The following ADCYAP1R1 variants were observed in gnomAD, a reference collection of about 807,000 sequenced individuals.
The protein encoded by ADCYAP1R1 is pituitary adenylate cyclase-activating polypeptide type I receptor.
A neutral mutation model predicts 67.6 loss-of-function variants in ADCYAP1R1; 44 were observed. That is an observed-to-expected ratio of 0.65 (90% CI 0.51 to 0.84). The LOEUF is 0.84. ADCYAP1R1 is among the 40% of genes least tolerant of loss of function. The pLI, the probability that ADCYAP1R1 is intolerant of heterozygous loss-of-function variation, is 0.00. For missense variants in ADCYAP1R1, 477 were observed against 587.9 expected (o/e 0.81, Z 1.95); for synonymous variants, 222 against 219.6 (o/e 1.01, Z -0.10).
intron 13 of ADCYAP1R1, among the ~76,000 whole-genome samples, chr7:31,096,264 C>T (rs1023977647): frequency 8.5e-5 from 13 of 152,162 alleles, no homozygotes; most frequent in East Asian, 5.8e-4. Context: ...CCCATTTGTA[C>T]TCCCATGGGG....
rs760025978 is a variant in ADCYAP1R1, at chr7:31,085,285, T to C, written c.537-25T>C. On this transcript the variant is annotated intron_variant, in intron 8 of 15. Transcript: ENST00000304166. ...GAAATGCTGTGGGGTCCAAGGCTTC[T>C]TTCTCCCCTGGCCCACTCATGTAGG... 5.6e-6 allele frequency: 9 copies of C among 1,607,526 alleles called. No individual in the cohort carries two copies. In the Admixed American group the frequency reaches 1.5e-4, roughly 27 times the overall value.
In ADCYAP1R1 at chr7:31,098,710, G is replaced by A. The variant is rs534838152; in HGVS notation, c.1047-4527G>A. Among the ~76,000 whole-genome samples the A allele has an allele frequency of 4.3e-4, 52 of 120,608 alleles. 1 individual carries two copies. The highest frequency in any genetic ancestry group is 4.2e-3 in the Middle Eastern group (1 of 240). The allele number at this position is 120,608 out of a possible 152,430, so 79.1% of individuals were successfully genotyped here. A position where few individuals can be genotyped will look rare whatever the true frequency, so the allele number is the denominator to read the frequency against. On this transcript the variant is annotated intron_variant, in intron 13 of 15. Transcript: ENST00000304166. ...TGCACAGATGCAGCGGGGCGGGGGG[G>A]GGGGGGGGACCTGGGCTTGCCCCAT... is the stretch of plus-strand genomic sequence containing the variant.
intron 4 of ADCYAP1R1, among the ~76,000 whole-genome samples, chr7:31,080,405 T>A (rs1422621437): frequency 6.6e-6 from 1 of 152,180 alleles, no homozygotes; most frequent in African/African-American, 2.4e-5. Flanking sequence ...TCCTCTCAAA[T>A]GCCTCTGCTT....
In ADCYAP1R1 at chr7:31,086,370, G is replaced by A. The variant is rs1399196963; in HGVS notation, c.670-14G>A. The A allele has an allele frequency of 1.9e-6, 3 of 1,612,818 alleles. No homozygotes were observed. The highest frequency in any genetic ancestry group is 1.7e-6 in the Non-Finnish European group (2 of 1,179,696). ...TTGGGCTCACGCCCCTCACCCTGGC[G>A]CTTCTCCCTGCAGGTGGAATGTAAG... On this transcript the variant is annotated splice_polypyrimidine_tract_variant and intron_variant, in intron 9 of 15. Coordinates refer to ENST00000304166, the MANE Select transcript of ADCYAP1R1 (RefSeq NM_001118.5). The surrounding 1 kb of genome is among the most constrained non-coding windows in gnomAD (Gnocchi z 5.0).
Position 31,106,812 on chromosome 7 carries a change from G to C in ADCYAP1R1, c.*128G>C, listed in dbSNP as rs1033129028. ...CTGGGCTGGAAGCTTGGCTCCTGAG[G>C]GGGGAGAAGGAGGCAGGGCACAGAC... On this transcript the variant is annotated 3_prime_UTR_variant, in exon 16 of 16. Coordinates refer to ENST00000304166, the MANE Select transcript of ADCYAP1R1 (RefSeq NM_001118.5). 23 of 1,152,116 alleles carry C rather than the reference G, an allele frequency of 2.0e-5. No individual in the cohort carries two copies. Among genetic ancestry groups the C allele is most frequent in the Middle Eastern group, 6.0e-4 (2 of 3,340 alleles). 71.4% of individuals were successfully genotyped at this position (1,152,116 alleles called of 1,614,324 possible).
intron 4 of ADCYAP1R1, among the ~76,000 whole-genome samples, chr7:31,078,875 C>G (rs1584506578): frequency 6.6e-6 from 1 of 152,120 alleles, no homozygotes; most frequent in Admixed American, 6.5e-5. Context: ...TGTGCGATGG[C>G]GCCTCCCTGA....
At chr7:31,061,836 G>A (rs191739074) in intron 1 of ADCYAP1R1, among the ~76,000 whole-genome samples, 6 of 152,070 alleles carry the variant, frequency 3.9e-5, no homozygotes, top group Non-Finnish European at 5.9e-5. Flanking sequence ...GCCTGCTGGT[G>A]GGGGGGTGTG....
chr7:31,092,653 G>A lies in ADCYAP1R1; in HGVS notation c.964G>A (p.Val322Met). The part of the protein sequence containing the change: ...PVVGSIMVNF[V>M]LFIGIIVILV... ...TTTTTTTGCTCCTTAGGTTAACTTTGTGCTTTTTATTGGCATTATCGTCAT... is the reference window on the plus strand; with the variant it reads ...TTTTTTTGCTCCTTAGGTTAACTTTATGCTTTTTATTGGCATTATCGTCAT... The change falls in exon 13 of 16, where the codon GTG becomes ATG. Residue 322 changes from valine to methionine, a missense_variant. Val to Met is a conservative substitution (Grantham distance 21). Coordinates refer to ENST00000304166, the MANE Select transcript of ADCYAP1R1 (RefSeq NM_001118.5). The A allele has an allele frequency of 6.3e-7, 1 of 1,592,956 alleles. No individual in the cohort carries two copies. Among genetic ancestry groups the A allele is most frequent in the Non-Finnish European group, 8.5e-7 (1 of 1,171,224 alleles).
intron 3 of ADCYAP1R1, among the ~76,000 whole-genome samples, chr7:31,069,062 A>C (rs569158669): frequency 6.7e-6 from 1 of 149,604 alleles, no homozygotes; most frequent in Non-Finnish European, 1.5e-5. Flanking sequence ...AGTCCTCAGC[A>C]TTTGGGTTGG....
At chr7:31,072,369 C>T (rs900204521) in intron 3 of ADCYAP1R1, among the ~76,000 whole-genome samples, 1 of 152,120 alleles carries the variant, frequency 6.6e-6, no homozygotes, top group African/African-American at 2.4e-5. Context: ...GTGGATTCTG[C>T]ACTTCCACCC....
chr7:31,073,763 C>T (rs1795086904), intron 3 of ADCYAP1R1, among the ~76,000 whole-genome samples: 1 of 152,176 alleles, frequency 6.6e-6, no homozygotes, highest in South Asian at 2.1e-4. Context: ...CTGTGAGTCT[C>T]TTGAGACCCC....
Position 31,081,701 on chromosome 7 carries a change from T to C in ADCYAP1R1, c.287-12T>C. Reference sequence around the variant, plus strand: ...AGGCATTTTGATATATGCCTATGTCTGTATTTTTCAGGAGAGTCTGATTTT... The same window carrying C: ...AGGCATTTTGATATATGCCTATGTCCGTATTTTTCAGGAGAGTCTGATTTT... On this transcript the variant is annotated splice_polypyrimidine_tract_variant and intron_variant, in intron 5 of 15. Transcript: ENST00000304166. 1 of 1,595,018 alleles carries C rather than the reference T, an allele frequency of 6.3e-7. No homozygotes were observed. The highest frequency in any genetic ancestry group is 2.3e-5 in the East Asian group (1 of 44,084).
At chr7:31,084,560 C>T (rs1795658213) in intron 7 of ADCYAP1R1, among the ~76,000 whole-genome samples, 177 bp from the exon 8 acceptor site, 1 of 152,150 alleles carries the variant, frequency 6.6e-6, no homozygotes, top group African/African-American at 2.4e-5. Context: ...GCAAAGGGGA[C>T]CAAGAGGCTT....
intron 7 of ADCYAP1R1, 152 bp from the exon 8 acceptor site, chr7:31,084,585 G>C: frequency 1.4e-6 from 1 of 700,868 alleles, no homozygotes; most frequent in South Asian, 1.6e-5. Context: ...AGGGGTGGGA[G>C]GTGGTGGAGA....
intron 13 of ADCYAP1R1, among the ~76,000 whole-genome samples, chr7:31,098,842 C>T (rs901631612): frequency 6.6e-6 from 1 of 152,026 alleles, no homozygotes; most frequent in African/African-American, 2.4e-5. Context: ...CAAGGCAGAT[C>T]CTGAATGCCA....
At chr7:31,069,019 A>G (rs1794861246) in intron 3 of ADCYAP1R1, among the ~76,000 whole-genome samples, 1 of 152,172 alleles carries the variant, frequency 6.6e-6, no homozygotes. Flanking sequence ...GAGCATTTAA[A>G]GGTGCTGATG....
intron 2 of ADCYAP1R1, 127 bp downstream of exon 2, chr7:31,063,442 A>G (rs1794596258): frequency 1.0e-6 from 1 of 992,858 alleles, no homozygotes; most frequent in East Asian, 2.5e-5. Flanking sequence ...CAACACCACC[A>G]CTGGGCCACC....
At chr7:31,100,674 A>G (rs1026903954) in intron 13 of ADCYAP1R1, among the ~76,000 whole-genome samples, 1 of 152,116 alleles carries the variant, frequency 6.6e-6, no homozygotes, top group African/African-American at 2.4e-5. Flanking sequence ...CAACAACTCT[A>G]TGAGCTGGGT....
intron 3 of ADCYAP1R1, among the ~76,000 whole-genome samples, chr7:31,065,892 C>G (rs1203092270): frequency 6.6e-6 from 1 of 152,248 alleles, no homozygotes; most frequent in Non-Finnish European, 1.5e-5. Flanking sequence ...CTTGACTAAT[C>G]TGCAGCCCAG....
Sources: allele counts gnomAD v4.1 joint callset (sites outside exome capture counted in the v4.1 genomes callset), GRCh38; gene constraint gnomAD v4.1.1; non-coding constraint Gnocchi (gnomAD v3.1); transcripts MANE v1.5; gene names NCBI Gene and HGNC (gene_info 2026-07-23, HGNC 2026-07-21).